SUMF1: variants seen among roughly 807,000 people sequenced by gnomAD.
SUMF1 encodes the protein sulfatase modifying factor 1.
A neutral mutation model predicts 47.6 loss-of-function variants in SUMF1; 48 were observed. The ratio of observed to expected loss-of-function variants is 1.01; its 90% confidence interval spans 0.80 to 1.28. The LOEUF is 1.28. SUMF1 is among the 50% of genes most tolerant of loss of function. The probability of loss-of-function intolerance (pLI) is 0.00; values close to 1 mark genes in which losing one functional copy is unlikely to be tolerated. For synonymous variants in SUMF1, 230 were observed against 192.1 expected (o/e 1.20, Z -1.63); for missense variants, 571 against 485.4 (o/e 1.18, Z -1.66).
intron 8 of SUMF1, among the ~76,000 whole-genome samples, chr3:4,244,795 C>T (rs148486725): frequency 6.6e-6 from 1 of 152,152 alleles, no homozygotes; most frequent in Non-Finnish European, 1.5e-5. Flanking sequence ...TGTTGGCCTG[C>T]CTTGCTAGGT....
At chr3:4,376,946 C>A (rs1292506326) in intron 7 of SUMF1, among the ~76,000 whole-genome samples, 1 of 151,962 alleles carries the variant, frequency 6.6e-6, no homozygotes, top group Non-Finnish European at 1.5e-5. Flanking sequence ...CAGGCATGAA[C>A]CACCATGCCC....
rs897199446 is a variant in SUMF1, at chr3:4,449,325, C to T, written c.460G>A (p.Asp154Asn). The change falls in exon 3 of 9, where the codon GAC (aspartate) becomes AAC (asparagine). Residue 154 changes from aspartate (D) to asparagine (N), a missense_variant. Coordinates refer to ENST00000272902, the MANE Select transcript of SUMF1 (RefSeq NM_182760.4). ...AACATGCCTTCAAAGACAAAGGAGT[C>T]GCCAAACTTCTCAGCCTATAAGGAA... is the stretch of plus-strand genomic sequence containing the variant. ...GYLTEAEKFG[D>N]SFVFEGMLSE... The T allele has an allele frequency of 3.1e-6, 5 of 1,613,976 alleles. No homozygotes were observed. The highest frequency in any genetic ancestry group is 1.7e-5 in the Admixed American group (1 of 60,002).
intron 8 of SUMF1, among the ~76,000 whole-genome samples, chr3:4,137,230 C>G (rs1693954598): frequency 6.6e-6 from 1 of 151,926 alleles, no homozygotes; most frequent in African/African-American, 2.4e-5. Flanking sequence ...CCCAAATGTC[C>G]AAAAATGATA....
chr3:4,459,049 G>T, intron 1 of SUMF1, among the ~76,000 whole-genome samples: 1 of 152,068 alleles, frequency 6.6e-6, no homozygotes, highest in Non-Finnish European at 1.5e-5. Context: ...AGGGGAAGAT[G>T]GGGAAAGGAA....
intron 4 of SUMF1, 98 bp from the exon 5 acceptor site, chr3:4,418,230 C>T (rs1172084910): frequency 1.5e-5 from 23 of 1,536,512 alleles, no homozygotes; most frequent in Non-Finnish European, 2.0e-5. Flanking sequence ...TCAGTTCAAT[C>T]TGTGACACTG....
chr3:4,110,170 G>A (rs949332757), intron 8 of SUMF1, among the ~76,000 whole-genome samples: 5 of 152,104 alleles, frequency 3.3e-5, no homozygotes, highest in African/African-American at 1.2e-4. Flanking sequence ...GCAGGTTGCT[G>A]GAGTTTGCTG....
chr3:4,149,020 C>G (rs1349782905), intron 8 of SUMF1, among the ~76,000 whole-genome samples: 1 of 152,020 alleles, frequency 6.6e-6, no homozygotes, highest in Non-Finnish European at 1.5e-5. Context: ...CGAGAGAGAC[C>G]TGAAGTTAGA....
rs144380345 is a variant in SUMF1 at position 4,369,949 on chromosome 3, T to C, written c.1014+6381A>G. ...AGAGCTTACAATATGCCAGATGCTA[T>C]TTTAGGTATGACGGATACAATCAGA... On this transcript the variant is annotated intron_variant, in intron 8 of 8. Transcript: ENST00000272902. Among the ~76,000 whole-genome samples the C allele has an allele frequency of 5.9e-5, 9 of 152,320 alleles. No individual in the cohort carries two copies. The East Asian group carries it at 1.7e-3, about 29-fold the overall frequency.
intron 8 of SUMF1, among the ~76,000 whole-genome samples, chr3:4,138,264 T>A (rs548053773): frequency 2.6e-5 from 4 of 152,162 alleles, no homozygotes; most frequent in Non-Finnish European, 4.4e-5. Flanking sequence ...GAACTCTGTA[T>A]AGTGAAAAGT....
intron 4 of SUMF1, 23 bp downstream of exon 4, chr3:4,420,041 G>A (rs919769747): frequency 1.9e-6 from 3 of 1,607,258 alleles, no homozygotes; most frequent in Non-Finnish European, 2.6e-6. Context: ...CTTGTCAACT[G>A]GGGAAAGAGG....
At chr3:4,148,897 A>G (rs1022323095) in intron 8 of SUMF1, among the ~76,000 whole-genome samples, 3 of 152,180 alleles carry the variant, frequency 2.0e-5, no homozygotes, top group African/African-American at 7.2e-5. Context: ...CCCAAATTCA[A>G]TTCTACATGC....
intron 8 of SUMF1, among the ~76,000 whole-genome samples, chr3:4,069,955 C>A (rs538177044): frequency 6.6e-6 from 1 of 152,242 alleles, no homozygotes; most frequent in East Asian, 1.9e-4. Flanking sequence ...GAGCCAGATA[C>A]GCTTTTAGCT....
chr3:4,064,895 A>C (rs1695343130), intron 9 of SUMF1, among the ~76,000 whole-genome samples: 1 of 152,216 alleles, frequency 6.6e-6, no homozygotes, highest in African/African-American at 2.4e-5. Flanking sequence ...AAGGAAAATA[A>C]AACAGCATGG....
chr3:4,158,605 T>TC (rs1180243572), intron 8 of SUMF1, among the ~76,000 whole-genome samples: 1 of 151,502 alleles, frequency 6.6e-6, no homozygotes, highest in Non-Finnish European at 1.5e-5. Flanking sequence ...TAATAATGTT[T>TC]CCTTTATTCA....
chr3:4,403,879 C>T (rs975330379), intron 7 of SUMF1, among the ~76,000 whole-genome samples: 2 of 152,146 alleles, frequency 1.3e-5, no homozygotes, highest in African/African-American at 4.8e-5. Flanking sequence ...TCCACTGACC[C>T]TCCAAACTAA....
In SUMF1 at chr3:4,233,280, T is replaced by G. The variant is rs1225866203; in HGVS notation, c.1014+143050A>C. Among the ~76,000 whole-genome samples the G allele has an allele frequency of 3.3e-5, 5 of 152,254 alleles. No individual in the cohort carries two copies. The South Asian group carries it at 1.0e-3, about 32-fold the overall frequency. ...CCTAGCAGGTCAATGTTAGTTGATG[T>G]GTTTAAAAATCTATCTATTCCAAAC... On this transcript the variant is annotated intron_variant and NMD_transcript_variant, in intron 8 of 12. Coordinates refer to the SUMF1 transcript ENST00000448413.
chr3:4,446,350 C>A (rs1702780394), intron 3 of SUMF1, among the ~76,000 whole-genome samples: 1 of 152,236 alleles, frequency 6.6e-6, no homozygotes, highest in African/African-American at 2.4e-5. Context: ...CACAAACTCT[C>A]TTCCCTGCCA....
intron 7 of SUMF1, among the ~76,000 whole-genome samples, chr3:4,401,630 C>T (rs1012102330): frequency 7.9e-5 from 12 of 152,124 alleles, no homozygotes; most frequent in African/African-American, 2.7e-4. Context: ...TAGGGCCCCA[C>T]GACATTTTAA....
At chr3:4,454,885 A>C (rs1030948106) in intron 1 of SUMF1, among the ~76,000 whole-genome samples, 1 of 152,238 alleles carries the variant, frequency 6.6e-6, no homozygotes. Flanking sequence ...CCAAAGAGAC[A>C]CAAAGTAGAT....
Sources: allele counts gnomAD v4.1 joint callset (sites outside exome capture counted in the v4.1 genomes callset), GRCh38; gene constraint gnomAD v4.1.1; transcripts MANE v1.5; gene names NCBI Gene and HGNC (gene_info 2026-07-23, HGNC 2026-07-21).